Variants in STIM2 observed in about 807,000 individuals in gnomAD.
STIM2 encodes stromal interaction molecule 2.
Under a neutral mutation model 85.8 loss-of-function variants are expected in STIM2, and 31 were observed. That is an observed-to-expected ratio of 0.36 (90% CI 0.27 to 0.49). The LOEUF (loss-of-function observed/expected upper bound fraction) is 0.49, where lower values mean the gene tolerates loss of function less well. Among genes scored for constraint, STIM2 ranks in the 20% least tolerant of loss-of-function variants. STIM2 has a pLI of 0.98. For synonymous variants in STIM2, 356 were observed against 331.1 expected, an observed-to-expected ratio of 1.08 and a Z score of -0.82; for missense variants, 841 against 927.6, an observed-to-expected ratio of 0.91 and a Z score of 1.21.
chr4:26,951,723 C>T (rs998898519), intron 2 of STIM2, among the ~76,000 whole-genome samples: 1 of 151,982 alleles, frequency 6.6e-6, no homozygotes, highest in African/African-American at 2.4e-5. Context: ...AAATGCTTAC[C>T]TCTACTTAAA....
chr4:27,019,916 A>G (rs1728857441), intron 11 of STIM2, among the ~76,000 whole-genome samples: 1 of 152,266 alleles, frequency 6.6e-6, no homozygotes, highest in Admixed American at 6.5e-5. Flanking sequence ...ATGTCTTATT[A>G]TCCAAGTCAG....
intron 2 of STIM2, among the ~76,000 whole-genome samples, chr4:26,942,586 C>T (rs1388748126): frequency 1.3e-5 from 2 of 152,114 alleles, no homozygotes; most frequent in African/African-American, 2.4e-5. Flanking sequence ...TAGTGATGTC[C>T]ATGTGGCTAT....
At chr4:26,936,327 A>C (rs758243913) in intron 2 of STIM2, among the ~76,000 whole-genome samples, 23 of 152,116 alleles carry the variant, frequency 1.5e-4, no homozygotes, top group Non-Finnish European at 2.6e-4. Flanking sequence ...ACTGCTGTTG[A>C]GTTATCTTTT....
intron 3 of STIM2, among the ~76,000 whole-genome samples, chr4:26,981,563 CT>C (rs1727396061): frequency 6.6e-6 from 1 of 152,194 alleles, no homozygotes; most frequent in African/African-American, 2.4e-5. Flanking sequence ...CTCCGCTCCC[CT>C]TCCAGTGCCA....
chr4:26,873,982 T>C, intron 1 of STIM2: 1 of 964,384 alleles, frequency 1.0e-6, no homozygotes, highest in Non-Finnish European at 1.7e-6. Flanking sequence ...TGCTCTTCTG[T>C]GCCCCTCTCT....
chr4:26,939,703 CT>C (rs1277393935), intron 2 of STIM2, among the ~76,000 whole-genome samples: 1 of 151,858 alleles, frequency 6.6e-6, no homozygotes, highest in East Asian at 1.9e-4. Flanking sequence ...CTCATTTTCC[CT>C]TTGTTTTCTT....
At chr4:26,888,487 T>C (rs1723340592) in intron 1 of STIM2, among the ~76,000 whole-genome samples, 1 of 152,256 alleles carries the variant, frequency 6.6e-6, no homozygotes, top group Non-Finnish European at 1.5e-5. Flanking sequence ...GCTAAATATT[T>C]GAATACATTC....
At chr4:26,998,802 C>T (rs1255374885) in intron 4 of STIM2, among the ~76,000 whole-genome samples, 1 of 151,590 alleles carries the variant, frequency 6.6e-6, no homozygotes, top group Non-Finnish European at 1.5e-5. Context: ...GTCCCAGCTA[C>T]TTGGGAGGCT....
In STIM2 at chr4:26,984,566, T is replaced by C. The variant is rs188321540; in HGVS notation, c.398-10813T>C. On this transcript the variant is annotated intron_variant, in intron 3 of 11. Transcript: ENST00000467087. ...TTTTAGTAGAGATGGGGTTTCGCCA[T>C]GTTGGCCAGGCTGGTGTCGAACTCC... is the stretch of plus-strand genomic sequence containing the variant. Among the ~76,000 whole-genome samples, 867 of 152,310 alleles carry C rather than the reference T, an allele frequency of 5.7e-3. 9 individuals carry two copies. Among genetic ancestry groups the C allele is most frequent in the African/African-American group, 0.02 (841 of 41,560 alleles).
chr4:26,960,265 C>G (rs946192777), intron 3 of STIM2, among the ~76,000 whole-genome samples: 6 of 152,034 alleles, frequency 3.9e-5, no homozygotes, highest in African/African-American at 1.5e-4. Context: ...AGAATGTACC[C>G]CTAACAATAA....
chr4:26,939,420 G>A (rs1560213544), intron 2 of STIM2, among the ~76,000 whole-genome samples: 1 of 152,090 alleles, frequency 6.6e-6, no homozygotes, highest in East Asian at 1.9e-4. Context: ...TTGATGACAT[G>A]CTTTGTACCA....
chr4:26,938,743 C>CT (rs1476416352), intron 2 of STIM2, among the ~76,000 whole-genome samples: 1 of 152,120 alleles, frequency 6.6e-6, no homozygotes, highest in African/African-American at 2.4e-5. Flanking sequence ...TTCAGCAGTA[C>CT]TTTTTTGAGA....
At chr4:26,867,498 C>T (rs1019954675) in intron 1 of STIM2, among the ~76,000 whole-genome samples, 1 of 152,088 alleles carries the variant, frequency 6.6e-6, no homozygotes, top group African/African-American at 2.4e-5. Context: ...TTATATAAAG[C>T]TTTTAGAATT....
chr4:26,955,848 G>T (rs1726220901), intron 2 of STIM2, among the ~76,000 whole-genome samples: 1 of 152,106 alleles, frequency 6.6e-6, no homozygotes, highest in Non-Finnish European at 1.5e-5. Context: ...CTACTCTGCT[G>T]AATGACCACA....
In STIM2 at chr4:26,896,915, A is replaced by G. The variant is rs145354416; in HGVS notation, c.152-22589A>G. Among the ~76,000 whole-genome samples, 797 of 152,308 alleles carry G rather than the reference A, an allele frequency of 5.2e-3. 9 individuals are homozygous for G. Among genetic ancestry groups the G allele is most frequent in the African/African-American group, 0.018 (756 of 41,570 alleles). ...TGTTTTCCACTTTTATACTTTTGCCATATCGAGAATGTTGTGTTAATGGAA... is the reference window on the plus strand; with the variant it reads ...TGTTTTCCACTTTTATACTTTTGCCGTATCGAGAATGTTGTGTTAATGGAA... On this transcript the variant is annotated intron_variant, in intron 1 of 11. Transcript: ENST00000467087.
At chr4:26,910,600 A>G (rs941531980) in intron 1 of STIM2, among the ~76,000 whole-genome samples, 9 of 152,162 alleles carry the variant, frequency 5.9e-5, no homozygotes, top group African/African-American at 2.2e-4. Context: ...GAATATAGAG[A>G]TAAATACAGC....
intron 1 of STIM2, among the ~76,000 whole-genome samples, chr4:26,907,431 G>A (rs1038562208): frequency 2.0e-5 from 3 of 152,068 alleles, no homozygotes; most frequent in African/African-American, 4.8e-5. Context: ...CAGCTTTTAC[G>A]TGAAGGCTTT....
intron 2 of STIM2, among the ~76,000 whole-genome samples, chr4:26,945,273 A>G (rs190523298): frequency 6.6e-6 from 1 of 152,090 alleles, no homozygotes; most frequent in Non-Finnish European, 1.5e-5. Flanking sequence ...AAAAGACATG[A>G]TCTTGTTCTT....
At chr4:27,010,639 G>A (rs2109138787) in intron 10 of STIM2, among the ~76,000 whole-genome samples, 2 of 152,194 alleles carry the variant, frequency 1.3e-5, no homozygotes, top group East Asian at 1.9e-4. Flanking sequence ...AGGGAAGGAC[G>A]AAGGCTCTTC....
Sources: allele counts gnomAD v4.1 joint callset (sites outside exome capture counted in the v4.1 genomes callset), GRCh38; gene constraint gnomAD v4.1.1; transcripts MANE v1.5; gene names NCBI Gene and HGNC (gene_info 2026-07-23, HGNC 2026-07-21).